WRAP73: variants seen among roughly 807,000 people sequenced by gnomAD.
WRAP73 encodes WD repeat-containing protein WRAP73.
WRAP73 carries 55 observed loss-of-function variants against 59.6 expected under a neutral mutation model. The ratio of observed to expected loss-of-function variants is 0.92; its 90% confidence interval spans 0.74 to 1.15. The LOEUF (loss-of-function observed/expected upper bound fraction) is 1.15. Among genes scored for constraint, WRAP73 ranks in the 50% most tolerant of loss-of-function variants. WRAP73 has a pLI of 0.00. For missense variants in WRAP73, 592 were observed against 608.1 expected (o/e 0.97, Z 0.28); for synonymous variants, 265 against 258.2 (o/e 1.03, Z -0.25).
chr1:3,637,162 T>C (rs1398760560), intron 4 of WRAP73, 64 bp from the exon 5 acceptor site: 1 of 1,370,962 alleles, frequency 7.3e-7, no homozygotes, highest in Non-Finnish European at 1.0e-6. Flanking sequence ...GAAACCACAG[T>C]AGTAATTCAC....
Position 3,646,830 on chromosome 1 carries a change from C to T in WRAP73, c.223-48G>A, listed in dbSNP as rs375731832. On this transcript the variant is annotated intron_variant, in intron 2 of 11. Transcript: ENST00000270708. The surrounding 1 kb of genome is among the most constrained non-coding windows in gnomAD (Gnocchi z 5.1). ...CACACAAGTGCAAACTCATCAGCAC[C>T]GAGAGACAGCGAGGACAGCTCGCTT... 3.1e-5 allele frequency: 47 copies of T among 1,518,320 alleles called. No homozygotes were observed. In the East Asian group the frequency reaches 4.3e-4, roughly 14 times the overall value. The allele number at this position is 1,518,320 out of a possible 1,614,324, so 94.1% of individuals were successfully genotyped here.
chr1:3,645,693 G>A (rs1282652123), intron 3 of WRAP73, among the ~76,000 whole-genome samples: 1 of 152,182 alleles, frequency 6.6e-6, no homozygotes, highest in African/African-American at 2.4e-5. Context: ...AGACACTGCG[G>A]ACACCAAAGA....
chr1:3,632,703 C>A, intron 9 of WRAP73: 2 of 344,622 alleles, frequency 5.8e-6, no homozygotes, highest in South Asian at 4.6e-5. Flanking sequence ...CAATCCCTTC[C>A]ACCTCAGCGT....
chr1:3,637,133 G>A, intron 4 of WRAP73, 35 bp from the exon 5 acceptor site: 5 of 1,555,156 alleles, frequency 3.2e-6, no homozygotes, highest in Non-Finnish European at 4.4e-6. Flanking sequence ...AAATCAAGCG[G>A]CCACAAAATC....
intron 8 of WRAP73, chr1:3,633,850 A>C: frequency 4.8e-6 from 1 of 208,822 alleles, no homozygotes. Flanking sequence ...ACTTGCACCA[A>C]CACAGCAGAG....
intron 11 of WRAP73, 90 bp downstream of exon 11, chr1:3,631,376 A>T: frequency 6.8e-7 from 1 of 1,465,096 alleles, no homozygotes. Flanking sequence ...GCTGCCGGAG[A>T]CAGCAGCTGG....
chr1:3,631,138 AGAG>A, intron 11 of WRAP73, 21 bp from the exon 12 acceptor site: 1 of 1,612,886 alleles, frequency 6.2e-7, no homozygotes, highest in Non-Finnish European at 8.5e-7. Flanking sequence ...ACAGGTGGCC[AGAG>A]GATTACAGCA....
intron 6 of WRAP73, 152 bp from the exon 7 acceptor site, chr1:3,635,446 G>T: frequency 2.0e-6 from 2 of 998,226 alleles, no homozygotes; most frequent in South Asian, 1.6e-5. Flanking sequence ...CTGCCAGCTA[G>T]TACTGAGATA....
intron 8 of WRAP73, 107 bp from the exon 9 acceptor site, chr1:3,633,610 A>G (rs1644561329): frequency 1.2e-6 from 1 of 859,620 alleles, no homozygotes; most frequent in Non-Finnish European, 1.8e-6. Flanking sequence ...TGTGCCTGCC[A>G]TGACAGCTGG....
Position 3,637,033 on chromosome 1 carries a change from C to A in WRAP73, c.478G>T (p.Val160Leu). 1 of 1,613,722 alleles carries A rather than the reference C, an allele frequency of 6.2e-7. No homozygotes were observed. Among genetic ancestry groups the A allele is most frequent in the Non-Finnish European group, 8.5e-7 (1 of 1,180,004 alleles). Residue 160 changes from valine to leucine, a missense_variant, in exon 5 of 12, where the codon GTG (valine) becomes TTG (leucine). Transcript: ENST00000270708. ...LAERRDCKDYVSIFVCSDWQL... is the reference protein window; with the variant it reads ...LAERRDCKDYLSIFVCSDWQL... ...CAATCACTGCAGACGAAGATGCTCA[C>A]GTAATCTTTGCAGTCGCGCCGTTCT...
chr1:3,635,331 C>A (rs1436197942), intron 6 of WRAP73, 37 bp from the exon 7 acceptor site: 1 of 1,610,354 alleles, frequency 6.2e-7, no homozygotes, highest in African/African-American at 1.3e-5. Context: ...ATGAATACAC[C>A]CCCGTCGCCA....
chr1:3,640,976 T>C (rs1157417400), intron 3 of WRAP73, among the ~76,000 whole-genome samples: 2 of 152,266 alleles, frequency 1.3e-5, no homozygotes, highest in South Asian at 4.1e-4. Flanking sequence ...GCCTGATTTT[T>C]ACCTTCATCT....
chr1:3,641,520 C>T (rs1644645420), intron 3 of WRAP73, among the ~76,000 whole-genome samples: 1 of 152,222 alleles, frequency 6.6e-6, no homozygotes, highest in Admixed American at 6.5e-5. Flanking sequence ...CGCACCATGG[C>T]TCTGTGCAGA....
chr1:3,640,077 T>C (rs1644624653), intron 3 of WRAP73, among the ~76,000 whole-genome samples: 1 of 152,224 alleles, frequency 6.6e-6, no homozygotes, highest in Non-Finnish European at 1.5e-5. Flanking sequence ...CCAAACAACA[T>C]ATACAGCGTT....
chr1:3,645,922 T>C (rs1298447543), intron 3 of WRAP73, among the ~76,000 whole-genome samples: 1 of 152,214 alleles, frequency 6.6e-6, no homozygotes, highest in Admixed American at 6.5e-5. Flanking sequence ...GCGAGCCGGC[T>C]CATATCACAG....
At position 3,650,039 on chromosome 1, in the gene WRAP73, C is replaced by A. The variant is rs769066183; in HGVS notation, c.-40G>T. 9.0e-6 allele frequency: 14 copies of A among 1,548,442 alleles called. No homozygotes were observed. The Admixed American group carries it at 9.8e-5, about 11-fold the overall frequency. On this transcript the variant is annotated 5_prime_UTR_variant, in exon 1 of 12. Transcript: ENST00000270708. ...GCGGGCGCCACCCTGCGCCCGAAAACCCGCGGGACCCCTGGGCGCGCAGCA... is the reference window on the plus strand; with the variant it reads ...GCGGGCGCCACCCTGCGCCCGAAAAACCGCGGGACCCCTGGGCGCGCAGCA...
At chr1:3,647,303 G>T in intron 2 of WRAP73, 105 bp downstream of exon 2, 1 of 1,259,740 alleles carries the variant, frequency 7.9e-7, no homozygotes. Context: ...CTGGCTTTGA[G>T]CTGCACGGAC....
chr1:3,636,565 A>G (rs773414653), intron 5 of WRAP73: 5 of 345,970 alleles, frequency 1.4e-5, no homozygotes, highest in Non-Finnish European at 2.8e-5. Context: ...AGGTTGCTCT[A>G]CCTTAATGAT....
chr1:3,632,862 C>T (rs931292187), intron 9 of WRAP73: 6 of 208,772 alleles, frequency 2.9e-5, no homozygotes, highest in South Asian at 1.4e-4. Flanking sequence ...ACACACCGAG[C>T]CCCGGGGTGG....
Sources: allele counts gnomAD v4.1 joint callset (sites outside exome capture counted in the v4.1 genomes callset), GRCh38; gene constraint gnomAD v4.1.1; non-coding constraint Gnocchi (gnomAD v3.1); transcripts MANE v1.5; gene names NCBI Gene and HGNC (gene_info 2026-07-23, HGNC 2026-07-21).